The following PHF20L1 variants were observed in gnomAD, a reference collection of about 807,000 sequenced individuals.
PHF20L1 encodes the protein PHD finger protein 20-like protein 1.
PHF20L1 carries 44 observed loss-of-function variants against 125.5 expected under a neutral mutation model. The observed-to-expected ratio is 0.35, with a 90% confidence interval of 0.28 to 0.45. The LOEUF (loss-of-function observed/expected upper bound fraction) is 0.45. PHF20L1 is among the 20% of genes least tolerant of loss of function. PHF20L1 has a pLI of 1.00. For missense variants in PHF20L1, 1,012 were observed against 1,217.2 expected, an observed-to-expected ratio of 0.83 and a Z score of 2.51; for synonymous variants, 380 against 403.1, an observed-to-expected ratio of 0.94 and a Z score of 0.69.
chr8:132,812,850 C>G, intron 9 of PHF20L1: 6 of 981,678 alleles, frequency 6.1e-6, no homozygotes, highest in Non-Finnish European at 7.3e-6. Context: ...GATAACAGGC[C>G]TGTAGTCAAA....
rs747795380 is a variant in PHF20L1 at position 132,843,942 on chromosome 8, C to G, written c.2749-214C>G. ...GCCTTCTTGCCTGTGTAGCACCATGCGAGGCATAGTGGAGGGAGGTGGTGG... is the reference window on the plus strand; with the variant it reads ...GCCTTCTTGCCTGTGTAGCACCATGGGAGGCATAGTGGAGGGAGGTGGTGG... On this transcript the variant is annotated intron_variant, in intron 19 of 20. Transcript: ENST00000395386. 4.1e-6 allele frequency: 4 copies of G among 984,944 alleles called. No homozygotes were observed. The South Asian group carries it at 1.4e-4, about 35-fold the overall frequency. The allele number at this position is 984,944 out of a possible 1,614,324, so 61.0% of individuals were successfully genotyped here. A position where few individuals can be genotyped will look rare whatever the true frequency, so the allele number is the denominator to read the frequency against.
At chr8:132,790,777 CTT>C (rs1368210521) in intron 2 of PHF20L1, among the ~76,000 whole-genome samples, 10 of 152,178 alleles carry the variant, frequency 6.6e-5, no homozygotes, top group Non-Finnish European at 4.4e-5. Flanking sequence ...TGTGTATACA[CTT>C]TGTGCTGATT....
chr8:132,814,830 T>C lies in PHF20L1; in HGVS notation c.1124T>C (p.Ile375Thr), dbSNP rs1345854304. The C allele has an allele frequency of 2.5e-6, 4 of 1,611,138 alleles. No homozygotes were observed. The highest frequency in any genetic ancestry group is 3.4e-6 in the Non-Finnish European group (4 of 1,177,596). ...AAATCACCACTTTCCCCAGAATTAA[T>C]ACAAGTCGAGGATTTGACGCTTGTA... Reference protein sequence around the residue: ...PPKSPLSPELIQVEDLTLVSQ... With the variant: ...PPKSPLSPELTQVEDLTLVSQ... The change falls in exon 10 of 21, where the codon ATA (isoleucine) becomes ACA (threonine). Residue 375 changes from isoleucine (I) to threonine (T), a missense_variant. Ile to Thr is a moderately conservative substitution (Grantham distance 89, BLOSUM62 -1). Around this residue, in one of 7 missense-constraint regions of PHF20L1, gnomAD observed 119 missense variants for 160.2 expected, o/e 0.74. Transcript: ENST00000395386.
At chr8:132,792,109 C>G (rs939729555) in intron 2 of PHF20L1, among the ~76,000 whole-genome samples, 3 of 151,964 alleles carry the variant, frequency 2.0e-5, no homozygotes, top group Admixed American at 6.5e-5. Flanking sequence ...ATGAGGGAAC[C>G]TAAAGAATAA....
chr8:132,782,886 C>G (rs1830596652), intron 2 of PHF20L1, among the ~76,000 whole-genome samples: 1 of 151,448 alleles, frequency 6.6e-6, no homozygotes, highest in African/African-American at 2.4e-5. Flanking sequence ...TGTAGACAGT[C>G]TTTTTGAAGT....
intron 12 of PHF20L1, among the ~76,000 whole-genome samples, chr8:132,822,300 A>G (rs1835694572): frequency 6.6e-6 from 1 of 151,922 alleles, no homozygotes; most frequent in Non-Finnish European, 1.5e-5. Flanking sequence ...TTTGTCTTCC[A>G]AGTACCTAAG....
chr8:132,809,225 G>A (rs1047161480), intron 8 of PHF20L1: 1 of 152,054 alleles, frequency 6.6e-6, no homozygotes, highest in East Asian at 1.9e-4. Context: ...GGAGTGCAGC[G>A]GTGCCATCTC....
Position 132,836,696 on chromosome 8 carries a change from A to T in PHF20L1, c.2066A>T (p.Asp689Val). The T allele has an allele frequency of 6.2e-7, 1 of 1,612,482 alleles. No homozygotes were observed. Among genetic ancestry groups the T allele is most frequent in the African/African-American group, 1.3e-5 (1 of 74,954 alleles). The part of the protein sequence containing the change: ...NEIVRCICEM[D>V]EENGFMIQCE... Reference sequence around the variant, plus strand: ...ATTGTGCGATGTATTTGTGAGATGGATGAGGAGAATGGCTTCATGATCCAG... The same window carrying T: ...ATTGTGCGATGTATTTGTGAGATGGTTGAGGAGAATGGCTTCATGATCCAG... Residue 689 changes from aspartate (D) to valine (V), a missense_variant, in exon 16 of 21, where the codon GAT (aspartate) becomes GTT (valine). Physicochemically the swap from Asp to Val is radical, Grantham distance 152. Coordinates refer to ENST00000395386, the MANE Select transcript of PHF20L1 (RefSeq NM_016018.5).
intron 1 of PHF20L1, 92 bp downstream of exon 1, chr8:132,775,737 G>C (rs1210449318): frequency 2.1e-5 from 6 of 284,640 alleles, no homozygotes; most frequent in Non-Finnish European, 6.5e-6. Context: ...TTTCCGGCCC[G>C]CTCCCCTCCC....
At chr8:132,803,693 T>G (rs1011887037) in intron 6 of PHF20L1, 126 bp from the exon 7 acceptor site, 4 of 602,402 alleles carry the variant, frequency 6.6e-6, no homozygotes, top group Admixed American at 6.1e-5. Flanking sequence ...TATTGTTATC[T>G]CTATATTTAT....
chr8:132,842,952 T>A, intron 19 of PHF20L1, 77 bp downstream of exon 19: 1 of 1,479,954 alleles, frequency 6.8e-7, no homozygotes, highest in Non-Finnish European at 9.0e-7. Flanking sequence ...TAAGGCATAC[T>A]GAATTCCCAG....
Position 132,837,735 on chromosome 8 carries a change from A to G in PHF20L1, c.2115A>G (p.Gln705=), listed in dbSNP as rs375902177. Residue 705 remains glutamine (Q), a synonymous_variant, in exon 17 of 21, where the codon CAA becomes CAG. Coordinates refer to ENST00000395386, the MANE Select transcript of PHF20L1 (RefSeq NM_016018.5). The stretch of plus-strand genomic sequence containing the variant: ...AGTGTGAAGAGTGCTTGTGTTGGCA[A>G]CACAGCGTGTGCATGGGGCTGCTGG... ...MIQCEECLCW[Q]HSVCMGLLEE... is the part of the protein sequence containing the mutation. The G allele has an allele frequency of 2.5e-6, 4 of 1,613,002 alleles. No individual in the cohort carries two copies. The highest frequency in any genetic ancestry group is 2.5e-6 in the Non-Finnish European group (3 of 1,179,366).
chr8:132,803,137 CCAAA>C (rs1364657696), intron 6 of PHF20L1, among the ~76,000 whole-genome samples: 1 of 151,524 alleles, frequency 6.6e-6, no homozygotes, highest in African/African-American at 2.4e-5. Context: ...AAGAATGGTA[CCAAA>C]CAGAGACCTA....
intron 2 of PHF20L1, among the ~76,000 whole-genome samples, chr8:132,780,769 CA>C (rs1830329563): frequency 6.6e-6 from 1 of 151,766 alleles, no homozygotes; most frequent in Non-Finnish European, 1.5e-5. Flanking sequence ...GTTGATAAAT[CA>C]CCTTTTGAAG....
At chr8:132,825,090 A>G in intron 13 of PHF20L1, 174 bp from the exon 14 acceptor site, 2 of 1,516,556 alleles carry the variant, frequency 1.3e-6, no homozygotes, top group Non-Finnish European at 1.8e-6. Flanking sequence ...CTTATAGTCC[A>G]ATAAGCTTAT....
rs1833363433 is a variant in PHF20L1 at position 132,803,729 on chromosome 8, G to T, written c.508-90G>T. The T allele has an allele frequency of 2.2e-5, 15 of 687,290 alleles. No individual in the cohort carries two copies. The South Asian group carries it at 2.8e-4, about 13-fold the overall frequency. 42.6% of individuals were successfully genotyped at this position (687,290 alleles called of 1,614,324 possible). A position where few individuals can be genotyped will look rare whatever the true frequency, so the allele number is the denominator to read the frequency against. On this transcript the variant is annotated intron_variant, in intron 6 of 20. Transcript: ENST00000395386. ...GTTTATGTAGTTACCTGTGAAAGTAGCTTTGAAAATGTGACACATATTTTT... is the reference window on the plus strand; with the variant it reads ...GTTTATGTAGTTACCTGTGAAAGTATCTTTGAAAATGTGACACATATTTTT...
intron 11 of PHF20L1, 30 bp downstream of exon 11, chr8:132,817,106 A>T: frequency 7.5e-7 from 1 of 1,330,646 alleles, no homozygotes; most frequent in Non-Finnish European, 1.0e-6. Flanking sequence ...TATAGAACCA[A>T]ACATAAAAGA....
At position 132,844,254 on chromosome 8, in the gene PHF20L1, A is replaced by T. The variant is rs975802339; in HGVS notation, c.2847A>T (p.Thr949=). ...SHLQWQLNLL[T]HIENVQNEVT... ...TTCAGTGGCAGCTCAATCTCCTTAC[A>T]CACATAGAAAATGTGCAGAACGAAG... The change falls in exon 20 of 21, where the codon ACA becomes ACT. Residue 949 remains threonine, a synonymous_variant. Coordinates refer to ENST00000395386, the MANE Select transcript of PHF20L1 (RefSeq NM_016018.5). 2 of 1,612,808 alleles carry T rather than the reference A, an allele frequency of 1.2e-6. No homozygotes were observed. The highest frequency in any genetic ancestry group is 1.7e-6 in the Non-Finnish European group (2 of 1,179,064).
At chr8:132,782,490 T>C (rs1408837934) in intron 2 of PHF20L1, among the ~76,000 whole-genome samples, 1 of 152,178 alleles carries the variant, frequency 6.6e-6, no homozygotes, top group Non-Finnish European at 1.5e-5. Flanking sequence ...GTTAAGTGAT[T>C]GAGTTTTTAA....
Sources: allele counts gnomAD v4.1 joint callset (sites outside exome capture counted in the v4.1 genomes callset), GRCh38; gene constraint gnomAD v4.1.1; regional missense constraint gnomAD v4.1.1; transcripts MANE v1.5; gene names NCBI Gene and HGNC (gene_info 2026-07-23, HGNC 2026-07-21).